Variants in CCT5 observed in about 807,000 individuals in gnomAD.
CCT5 encodes T-complex protein 1 subunit epsilon.
Under a neutral mutation model 55.0 loss-of-function variants are expected in CCT5, and 6 were observed. The ratio of observed to expected loss-of-function variants is 0.11; its 90% confidence interval spans 0.06 to 0.22. The LOEUF (loss-of-function observed/expected upper bound fraction) is 0.22. Among genes scored for constraint, CCT5 ranks in the 10% least tolerant of loss-of-function variants. The pLI is 1.00. For synonymous variants in CCT5, 231 were observed against 243.7 expected, an observed-to-expected ratio of 0.95 and a Z score of 0.49; for missense variants, 560 against 694.6, an observed-to-expected ratio of 0.81 and a Z score of 2.18.
At chr5:10,261,313 A>C in intron 7 of CCT5, 1 of 540,786 alleles carries the variant, frequency 1.8e-6, no homozygotes. Context: ...TGAGGGTATG[A>C]GCTTAGGGGA....
At chr5:10,253,593 G>A (rs189068803) in intron 1 of CCT5, among the ~76,000 whole-genome samples, 3 of 152,308 alleles carry the variant, frequency 2.0e-5, no homozygotes, top group African/African-American at 7.2e-5. Context: ...GTGACAGTAA[G>A]GTGTTGTATG....
chr5:10,260,047 C>T (rs867755237), intron 6 of CCT5, among the ~76,000 whole-genome samples: 2 of 152,168 alleles, frequency 1.3e-5, no homozygotes, highest in Non-Finnish European at 1.5e-5. Context: ...GGGGTTGTGA[C>T]GGAGAGATTG....
rs57187607 is a variant in CCT5 at position 10,254,392 on chromosome 5, C to CTT, written c.166+203_166+204dup. On this transcript the variant is annotated intron_variant, in intron 2 of 10. Transcript: ENST00000280326. ...AATCGTGTGCAATATTAGGTCGGAC[C>CTT]TTTTTTTTTTTTTTTTTAGCATGTA... is the stretch of plus-strand genomic sequence containing the variant. The CTT allele has an allele frequency of 2.0e-3, 1,005 of 515,320 alleles. 2 individuals carry two copies. The highest frequency in any genetic ancestry group is 8.3e-3 in the African/African-American group (392 of 47,250). 31.9% of individuals were successfully genotyped at this position (515,320 alleles called of 1,614,324 possible).
chr5:10,252,610 G>A (rs1215217081), intron 1 of CCT5, among the ~76,000 whole-genome samples: 21 of 73,890 alleles, frequency 2.8e-4, no homozygotes, highest in African/African-American at 6.2e-4. Context: ...GTGAGACTCC[G>A]TCTCAAAAAA....
Position 10,264,978 on chromosome 5 carries a change from T to A in CCT5, c.*195T>A. 1 of 592,926 alleles carries A rather than the reference T, an allele frequency of 1.7e-6. No homozygotes were observed. The highest frequency in any genetic ancestry group is 2.9e-6 in the Non-Finnish European group (1 of 341,108). The allele number at this position is 592,926 out of a possible 1,614,324, so 36.7% of individuals were successfully genotyped here. On this transcript the variant is annotated 3_prime_UTR_variant, in exon 11 of 11. Transcript: ENST00000280326. ...CGTGGGGGTACCATCTCAACTGCTT[T>A]TGTATTCATTGTATTAAAAGAATCT... is the stretch of plus-strand genomic sequence containing the variant.
intron 2 of CCT5, 161 bp from the exon 3 acceptor site, chr5:10,254,513 C>G: frequency 1.4e-6 from 1 of 693,002 alleles, no homozygotes; most frequent in Non-Finnish European, 2.6e-6. Flanking sequence ...TTATGTTAGC[C>G]AATCTAAAAA....
Position 10,250,313 on chromosome 5 carries a change from G to T in CCT5, c.-28G>T. On this transcript the variant is annotated 5_prime_UTR_variant, in exon 1 of 11. Coordinates refer to ENST00000280326, the MANE Select transcript of CCT5 (RefSeq NM_012073.5). Reference sequence around the variant, plus strand: ...GCTTCCGTAGCGGTCTCCGCCGGTTGGGGGGAAGTAATTCCGGTTGTTGCA... The same window carrying T: ...GCTTCCGTAGCGGTCTCCGCCGGTTTGGGGGAAGTAATTCCGGTTGTTGCA... 3.1e-6 allele frequency: 5 copies of T among 1,613,620 alleles called. No individual in the cohort carries two copies. Among genetic ancestry groups the T allele is most frequent in the Non-Finnish European group, 3.4e-6 (4 of 1,179,818 alleles).
intron 4 of CCT5, among the ~76,000 whole-genome samples, chr5:10,257,347 AAGG>A (rs1210338242): frequency 3.3e-5 from 5 of 152,210 alleles, no homozygotes; most frequent in Non-Finnish European, 5.9e-5. Context: ...TTTCTCATGA[AAGG>A]AGGACATCAT....
rs777600763 is a variant in CCT5 at position 10,258,546 on chromosome 5, C to A, written c.873+11C>A. On this transcript the variant is annotated intron_variant, in intron 6 of 10. Transcript: ENST00000280326. ...GAGATGATTCAACAAGTAAGTCTTACCAGAGTCCTCAGTGGAATTTAAACT... is the reference window on the plus strand; with the variant it reads ...GAGATGATTCAACAAGTAAGTCTTAACAGAGTCCTCAGTGGAATTTAAACT... 1.2e-6 allele frequency: 2 copies of A among 1,609,714 alleles called. No homozygotes were observed. The highest frequency in any genetic ancestry group is 2.2e-5 in the East Asian group (1 of 44,874).
intron 8 of CCT5, 121 bp from the exon 9 acceptor site, chr5:10,262,360 A>ATT: frequency 9.5e-7 from 1 of 1,053,322 alleles, no homozygotes; most frequent in South Asian, 1.3e-5. Flanking sequence ...ATATTATCCG[A>ATT]TAGTGGAGGC....
Position 10,263,372 on chromosome 5 carries a change from AATC to A in CCT5, c.1498+62_1498+64del, listed in dbSNP as rs1166006900. The A allele has an allele frequency of 1.7e-5, 25 of 1,470,236 alleles. No homozygotes were observed. In the African/African-American group the frequency reaches 3.2e-4, roughly 19 times the overall value. 91.1% of individuals were successfully genotyped at this position (1,470,236 alleles called of 1,614,324 possible). A position where few individuals can be genotyped will look rare whatever the true frequency, so the allele number is the denominator to read the frequency against. ...GGGGGATGTCTGATTTAAACTGAAT[AATC>A]ATCCACTGTATGTGCTGTGAGATGA... On this transcript the variant is annotated intron_variant, in intron 10 of 10. Transcript: ENST00000280326.
At chr5:10,259,177 C>T (rs1349973283) in intron 6 of CCT5, among the ~76,000 whole-genome samples, 1 of 152,174 alleles carries the variant, frequency 6.6e-6, no homozygotes, top group Non-Finnish European at 1.5e-5. Flanking sequence ...AACCAGAATG[C>T]ACTCATAGTA....
intron 3 of CCT5, 65 bp from the exon 4 acceptor site, chr5:10,255,890 C>T: frequency 7.2e-7 from 1 of 1,396,358 alleles, no homozygotes; most frequent in Non-Finnish European, 1.0e-6. Flanking sequence ...CTAACTTGTG[C>T]TGATTATACT....
chr5:10,254,006 C>T (rs1745555154), intron 1 of CCT5, 139 bp from the exon 2 acceptor site: 2 of 677,258 alleles, frequency 3.0e-6, no homozygotes, highest in African/African-American at 1.8e-5. Flanking sequence ...ATACTTAAAC[C>T]TGTCTGTTGC....
At position 10,261,545 on chromosome 5, in the gene CCT5, G is replaced by A; in HGVS notation, c.994-15G>A. The A allele has an allele frequency of 6.2e-7, 1 of 1,613,602 alleles. No individual in the cohort carries two copies. Among genetic ancestry groups the A allele is most frequent in the African/African-American group, 1.3e-5 (1 of 74,990 alleles). The stretch of plus-strand genomic sequence containing the variant: ...CAGTACTGTCTTCATCCTTCTCCCT[G>A]ACCACCCCAATTAGCTGATTGCCAT... On this transcript the variant is annotated splice_polypyrimidine_tract_variant and intron_variant, in intron 7 of 10. Transcript: ENST00000280326.
chr5:10,265,820 G>C lies in CCT5; in HGVS notation c.*1037G>C, dbSNP rs1434833071. On this transcript the variant is annotated 3_prime_UTR_variant, in exon 11 of 11. Transcript: ENST00000280326. Reference sequence around the variant, plus strand: ...GATTCTCTAGATTTTCTAAAATAATGTTTCTTAGCATTGTGATGATAAAGC... The same window carrying C: ...GATTCTCTAGATTTTCTAAAATAATCTTTCTTAGCATTGTGATGATAAAGC... 1 of 152,018 alleles carries C rather than the reference G, an allele frequency of 6.6e-6. No individual in the cohort carries two copies. The highest frequency in any genetic ancestry group is 1.5e-5 in the Non-Finnish European group (1 of 68,008). 9.4% of individuals were successfully genotyped at this position (152,018 alleles called of 1,614,324 possible). A position where few individuals can be genotyped will look rare whatever the true frequency, so the allele number is the denominator to read the frequency against.
chr5:10,250,178 A>C, upstream of CCT5: 1 of 1,542,780 alleles, frequency 6.5e-7, no homozygotes, highest in Non-Finnish European at 8.7e-7. Context: ...CCGATTCCAG[A>C]AGATACTGTC....
In CCT5 at chr5:10,262,549, T is replaced by C. The variant is rs1294041306; in HGVS notation, c.1248T>C (p.Asn416=). 3.1e-6 allele frequency: 5 copies of C among 1,614,124 alleles called. No homozygotes were observed. The highest frequency in any genetic ancestry group is 4.2e-6 in the Non-Finnish European group (5 of 1,180,030). ...LCVIRNLIRD[N]RVVYGGGAAE... ...TCATCCGGAACCTCATCCGCGATAA[T>C]CGTGTGGTGTATGGAGGAGGGGCTG... Residue 416 remains asparagine, a synonymous_variant, in exon 9 of 11, where the codon AAT becomes AAC. Transcript: ENST00000280326.
chr5:10,253,638 C>T (rs1027113751), intron 1 of CCT5, among the ~76,000 whole-genome samples: 1 of 152,118 alleles, frequency 6.6e-6, no homozygotes, highest in Admixed American at 6.6e-5. Context: ...AGTACAGGCC[C>T]CTCCTTGTCT....
Sources: allele counts gnomAD v4.1 joint callset (sites outside exome capture counted in the v4.1 genomes callset), GRCh38; gene constraint gnomAD v4.1.1; transcripts MANE v1.5; gene names NCBI Gene and HGNC (gene_info 2026-07-23, HGNC 2026-07-21).